Variants in SAMD12 observed in about 807,000 individuals in gnomAD.
The protein encoded by SAMD12 is sterile alpha motif domain-containing protein 12.
A neutral mutation model predicts 15.0 loss-of-function variants in SAMD12; 9 were observed. The observed-to-expected ratio is 0.60, with a 90% CI of 0.36 to 1.05. The LOEUF (loss-of-function observed/expected upper bound fraction) is 1.05. Among genes scored for constraint, SAMD12 ranks in the 50% least tolerant of loss-of-function variants. SAMD12 has a pLI of 0.01. For synonymous variants in SAMD12, 86 were observed against 90.1 expected (o/e 0.96, Z 0.25); for missense variants, 230 against 234.2 (o/e 0.98, Z 0.12).
the SAMD12 span, among the ~76,000 whole-genome samples, chr8:118,155,109 G>A: frequency 2.0e-5 from 3 of 152,054 alleles, no homozygotes; most frequent in East Asian, 3.8e-4. Context: ...ATATATATAT[G>A]TGTGTGTAAT....
chr8:118,598,273 T>C (rs576136818), intron 1 of SAMD12, among the ~76,000 whole-genome samples: 1 of 152,310 alleles, frequency 6.6e-6, no homozygotes, highest in South Asian at 2.1e-4. Context: ...GTCACCATAT[T>C]TGGAGAGAGG....
chr8:118,344,470 C>G (rs1817530366), intron 4 of SAMD12, among the ~76,000 whole-genome samples: 1 of 152,150 alleles, frequency 6.6e-6, no homozygotes, highest in Non-Finnish European at 1.5e-5. Context: ...TAACTATTCC[C>G]AGTTTAAAGA....
chr8:118,537,197 T>C (rs1240979672), intron 2 of SAMD12, among the ~76,000 whole-genome samples: 1 of 152,208 alleles, frequency 6.6e-6, no homozygotes, highest in East Asian at 1.9e-4. Context: ...TCTTGGTGTT[T>C]TTAGGATCGT....
chr8:118,570,332 A>G (rs1451758419), intron 2 of SAMD12, among the ~76,000 whole-genome samples: 1 of 152,108 alleles, frequency 6.6e-6, no homozygotes, highest in African/African-American at 2.4e-5. Context: ...TACCCATTAG[A>G]TATCTTTCCC....
chr8:118,200,403 CAAAAA>C (rs35465667), intron 4 of SAMD12, among the ~76,000 whole-genome samples: 2 of 114,218 alleles, frequency 1.8e-5, no homozygotes, highest in Non-Finnish European at 1.8e-5. Context: ...ATTAGAGTAC[CAAAAA>C]AAAAAAAAAA....
intron 2 of SAMD12, among the ~76,000 whole-genome samples, chr8:118,458,477 T>A (rs1021464923): frequency 6.6e-6 from 1 of 152,188 alleles, no homozygotes; most frequent in Non-Finnish European, 1.5e-5. Context: ...ATTACCTTAA[T>A]AATAAAAATA....
At chr8:118,271,837 C>T (rs1586406762) in intron 4 of SAMD12, among the ~76,000 whole-genome samples, 1 of 152,232 alleles carries the variant, frequency 6.6e-6, no homozygotes, top group African/African-American at 2.4e-5. Flanking sequence ...GATGCTACCA[C>T]AGCCTTGGGC....
the SAMD12 span, among the ~76,000 whole-genome samples, chr8:118,180,012 G>C: frequency 8.7e-3 from 1,323 of 152,288 alleles, 23 homozygotes; most frequent in African/African-American, 0.029. Context: ...ATTTGTTTTG[G>C]AGGTTTAGCC....
At chr8:118,548,007 G>C (rs1442202525) in intron 2 of SAMD12, among the ~76,000 whole-genome samples, 2 of 152,088 alleles carry the variant, frequency 1.3e-5, no homozygotes, top group Admixed American at 1.3e-4. Context: ...GTCACTCGAG[G>C]TTACCAAACC....
chr8:118,519,241 GC>G (rs1825326204), intron 2 of SAMD12, among the ~76,000 whole-genome samples: 1 of 152,124 alleles, frequency 6.6e-6, no homozygotes, highest in African/African-American at 2.4e-5. Context: ...TTAAATTTCT[GC>G]CCTCCCACCT....
chr8:118,250,112 G>A (rs757676288), intron 4 of SAMD12, among the ~76,000 whole-genome samples: 22 of 152,132 alleles, frequency 1.4e-4, no homozygotes, highest in Non-Finnish European at 2.8e-4. Context: ...GAATTTCCCA[G>A]ATCATGTGAG....
intron 2 of SAMD12, among the ~76,000 whole-genome samples, chr8:118,558,152 A>G (rs1464985243): frequency 6.6e-6 from 1 of 152,186 alleles, no homozygotes; most frequent in Non-Finnish European, 1.5e-5. Context: ...AGGTTATAGC[A>G]TATTTATCTT....
At chr8:118,174,286 C>A in the SAMD12 span, among the ~76,000 whole-genome samples, 1 of 152,166 alleles carries the variant, frequency 6.6e-6, no homozygotes, top group Admixed American at 6.5e-5. Flanking sequence ...AGACTGAAGG[C>A]TCCCTGTTTT....
intron 4 of SAMD12, among the ~76,000 whole-genome samples, chr8:118,230,524 G>T (rs1812289529): frequency 6.6e-6 from 1 of 152,146 alleles, no homozygotes; most frequent in South Asian, 2.1e-4. Context: ...GATGTATGCA[G>T]TCAGGTTTGA....
In SAMD12 at chr8:118,302,678, G is replaced by A. The variant is rs575472379; in HGVS notation, c.433+76882C>T. 4.3e-4 allele frequency among the ~76,000 whole-genome samples: 65 copies of A among 152,308 alleles called. 1 individual carries two copies. In the South Asian group the frequency reaches 6.6e-3, roughly 16 times the overall value. Reference sequence around the variant, plus strand: ...GGGAACTCTGTTGATCTTGAAATGTGTATGTGTGTTTAAAAATGTCTATTT... The same window carrying A: ...GGGAACTCTGTTGATCTTGAAATGTATATGTGTGTTTAAAAATGTCTATTT... On this transcript the variant is annotated intron_variant, in intron 4 of 4. Transcript: ENST00000409003.
intron 4 of SAMD12, among the ~76,000 whole-genome samples, chr8:118,208,759 G>A (rs1346106340): frequency 1.3e-5 from 2 of 152,090 alleles, no homozygotes; most frequent in African/African-American, 2.4e-5. Context: ...ATTTGACAGC[G>A]CCACTCTGTA....
intron 4 of SAMD12, among the ~76,000 whole-genome samples, chr8:118,279,153 G>A (rs1020443899): frequency 6.6e-5 from 10 of 152,114 alleles, no homozygotes; most frequent in African/African-American, 9.7e-5. Flanking sequence ...TTCAGCCTCC[G>A]ATGCAAAAAC....
intron 2 of SAMD12, among the ~76,000 whole-genome samples, chr8:118,513,135 A>G (rs192745036): frequency 6.6e-6 from 1 of 152,314 alleles, no homozygotes; most frequent in East Asian, 1.9e-4. Context: ...AATAAATACT[A>G]CATAGTTGAT....
the SAMD12 span, among the ~76,000 whole-genome samples, chr8:118,132,370 G>A: frequency 6.6e-6 from 1 of 152,118 alleles, no homozygotes; most frequent in Non-Finnish European, 1.5e-5. Context: ...TTCTGCAATG[G>A]GGAATGCACA....
Sources: gnomAD v4.1 joint callset for allele counts (sites outside exome capture counted in the v4.1 genomes callset) on GRCh38, gnomAD v4.1.1 for gene constraint, MANE v1.5 for transcripts, NCBI Gene and HGNC (gene_info 2026-07-23, HGNC 2026-07-21) for gene names.